The following GGA2 variants were observed in gnomAD, a reference collection of about 807,000 sequenced individuals.
GGA2 encodes golgi associated, gamma adaptin ear containing, ARF binding protein 2.
A neutral mutation model predicts 79.5 loss-of-function variants in GGA2; 48 were observed. That is an observed-to-expected ratio of 0.60 (90% CI 0.48 to 0.77). The LOEUF (loss-of-function observed/expected upper bound fraction) is 0.77, where lower values mean the gene tolerates loss of function less well. Ranked by LOEUF, GGA2 falls within the 30% of genes least tolerant of loss-of-function variation. The pLI is 0.00. For missense variants in GGA2, 770 were observed against 774.0 expected (o/e 0.99, Z 0.06); for synonymous variants, 317 against 302.0 (o/e 1.05, Z -0.51).
chr16:23,478,949 C>T (rs1479508907), intron 11 of GGA2, 38 bp from the exon 12 acceptor site: 1 of 1,424,046 alleles, frequency 7.0e-7, no homozygotes, highest in Non-Finnish European at 9.9e-7. Context: ...CTAACAGTAA[C>T]TCCACCTGCT....
upstream of GGA2, among the ~76,000 whole-genome samples, chr16:23,510,766 G>A (rs1965038827): frequency 6.6e-6 from 1 of 152,226 alleles, no homozygotes; most frequent in South Asian, 2.1e-4. Flanking sequence ...GAGTCCAATG[G>A]CGCGATCACG....
intron 15 of GGA2, 99 bp from the exon 16 acceptor site, chr16:23,469,095 A>C (rs1964477484): frequency 4.1e-6 from 3 of 734,288 alleles, no homozygotes; most frequent in Admixed American, 2.0e-5. Context: ...ACACCCCTCC[A>C]AGAGGAAATG....
At chr16:23,468,179 GTCTA>G (rs1026372466) in intron 16 of GGA2, among the ~76,000 whole-genome samples, 8 of 151,584 alleles carry the variant, frequency 5.3e-5, no homozygotes, top group East Asian at 1.9e-4. Context: ...CTGTCTGTCT[GTCTA>G]TCTATCTATC....
chr16:23,469,041 G>A, intron 15 of GGA2, 45 bp from the exon 16 acceptor site: 1 of 1,177,300 alleles, frequency 8.5e-7, no homozygotes, highest in South Asian at 1.2e-5. Context: ...CCTAACCACA[G>A]CTTCTAGGAT....
intron 4 of GGA2, among the ~76,000 whole-genome samples, chr16:23,492,413 G>A (rs1290136068): frequency 6.6e-6 from 1 of 152,124 alleles, no homozygotes; most frequent in Non-Finnish European, 1.5e-5. Flanking sequence ...TGATTTGACC[G>A]ATCATGCCTA....
chr16:23,486,196 C>T (rs1964710739), intron 7 of GGA2, 44 bp from the exon 8 acceptor site: 1 of 1,590,372 alleles, frequency 6.3e-7, no homozygotes, highest in African/African-American at 1.3e-5. Flanking sequence ...AGCAGAAACC[C>T]TGGCTGAAGC....
intron 1 of GGA2, among the ~76,000 whole-genome samples, chr16:23,504,395 C>T (rs1433850518): frequency 6.6e-6 from 1 of 152,224 alleles, no homozygotes; most frequent in African/African-American, 2.4e-5. Flanking sequence ...TTCACTCTCA[C>T]AGGCTCTAGT....
intron 6 of GGA2, among the ~76,000 whole-genome samples, chr16:23,487,856 G>A (rs528621717): frequency 6.6e-6 from 1 of 152,220 alleles, no homozygotes; most frequent in South Asian, 2.1e-4. Flanking sequence ...GACAGGCAGA[G>A]CATACCACGC....
Position 23,470,169 on chromosome 16 carries a change from G to T in GGA2, c.1451-4C>A. The T allele has an allele frequency of 6.3e-7, 1 of 1,588,332 alleles. No individual in the cohort carries two copies. The highest frequency in any genetic ancestry group is 8.6e-7 in the Non-Finnish European group (1 of 1,167,944). ...ACAATGAGAGGCGGCAGGCTGCCTGGTATAAAGGGCACAAGCAGAAGGTTT... is the reference window on the plus strand; with the variant it reads ...ACAATGAGAGGCGGCAGGCTGCCTGTTATAAAGGGCACAAGCAGAAGGTTT... On this transcript the variant is annotated splice_polypyrimidine_tract_variant and splice_region_variant and intron_variant, in intron 14 of 16. Coordinates refer to ENST00000309859, the MANE Select transcript of GGA2 (RefSeq NM_015044.4).
Position 23,488,716 on chromosome 16 carries a change from A to C in GGA2, c.476-7T>G. On this transcript the variant is annotated splice_polypyrimidine_tract_variant and splice_region_variant and intron_variant, in intron 5 of 16. Transcript: ENST00000309859. ...GGGTCTTGTTTTATAATTCCTAAAA[A>C]TGCAATTTACAAAGTTAAGACACCG... is the stretch of plus-strand genomic sequence containing the variant. 1 of 1,497,038 alleles carries C rather than the reference A, an allele frequency of 6.7e-7. No individual in the cohort carries two copies. The highest frequency in any genetic ancestry group is 1.1e-5 in the South Asian group (1 of 88,610). 92.7% of individuals were successfully genotyped at this position (1,497,038 alleles called of 1,614,324 possible).
chr16:23,488,758 CTT>C, intron 5 of GGA2, 49 bp from the exon 6 acceptor site: 1 of 1,031,386 alleles, frequency 9.7e-7, no homozygotes, highest in South Asian at 1.3e-5. Flanking sequence ...TACCCAGAAA[CTT>C]CAGTCAGAAT....
At chr16:23,522,687 T>C (rs576145211), upstream of GGA2, 1 of 152,308 alleles carries the variant, frequency 6.6e-6, no homozygotes, top group South Asian at 2.1e-4. Flanking sequence ...AAATATATTG[T>C]CTACTGCTGA....
Position 23,467,456 on chromosome 16 carries a change from G to A in GGA2, c.*134C>T. The A allele has an allele frequency of 1.7e-6, 1 of 577,992 alleles. No homozygotes were observed. Among genetic ancestry groups the A allele is most frequent in the South Asian group, 1.8e-5 (1 of 55,200 alleles). 35.8% of individuals were successfully genotyped at this position (577,992 alleles called of 1,614,324 possible). On this transcript the variant is annotated 3_prime_UTR_variant, in exon 17 of 17. Transcript: ENST00000309859. ...CACAGAGCATCTGCAGAATAAGTCA[G>A]AGGTTGACACCCAGAGCCTGACGTC...
At chr16:23,478,303 G>A in intron 13 of GGA2, 65 bp downstream of exon 13, 2 of 1,339,620 alleles carry the variant, frequency 1.5e-6, no homozygotes, top group Non-Finnish European at 1.0e-6. Flanking sequence ...TCTGGCCCTT[G>A]TCCCATGAGA....
At chr16:23,500,078 A>G (rs1433661042) in intron 1 of GGA2, among the ~76,000 whole-genome samples, 2 of 152,204 alleles carry the variant, frequency 1.3e-5, no homozygotes, top group Non-Finnish European at 2.9e-5. Flanking sequence ...CCGCAATCAC[A>G]GCTCTCAGGC....
Position 23,488,654 on chromosome 16 carries a change from A to G in GGA2, c.531T>C (p.Ser177=). Residue 177 remains serine (S), a synonymous_variant, in exon 6 of 17, where the codon TCT becomes TCC. Transcript: ENST00000309859. ...CAAAGATGGAGCTCTTGGGCCAGGG[A>G]GATGGTGGGGGTAAGATTTTATCCA... ...LPVDKILPPP[S]PWPKSSIFDA... is the part of the protein sequence containing the mutation. 1.2e-6 allele frequency: 2 copies of G among 1,611,552 alleles called. No individual in the cohort carries two copies. The highest frequency in any genetic ancestry group is 2.2e-5 in the South Asian group (2 of 91,018).
At position 23,493,342 on chromosome 16, in the gene GGA2, C is replaced by G; in HGVS notation, c.351+18G>C. On this transcript the variant is annotated intron_variant, in intron 4 of 16. Coordinates refer to ENST00000309859, the MANE Select transcript of GGA2 (RefSeq NM_015044.4). ...CGTAGGTGCGACACAGTCAGCAGAG[C>G]CAAGCCCAGGTACTCACCTTTGGGG... is the stretch of plus-strand genomic sequence containing the variant. 6.8e-7 allele frequency: 1 copy of G among 1,463,416 alleles called. No homozygotes were observed. Among genetic ancestry groups the G allele is most frequent in the East Asian group, 2.3e-5 (1 of 44,198 alleles). The allele number at this position is 1,463,416 out of a possible 1,614,324, so 90.7% of individuals were successfully genotyped here.
intron 4 of GGA2, among the ~76,000 whole-genome samples, chr16:23,492,862 CGGGTA>C (rs1964806691): frequency 6.6e-6 from 1 of 152,080 alleles, no homozygotes; most frequent in Admixed American, 6.5e-5. Context: ...GCGTGGGGTC[CGGGTA>C]GCATGCAACT....
intron 9 of GGA2, among the ~76,000 whole-genome samples, chr16:23,482,489 A>G (rs1964660401): frequency 6.6e-6 from 1 of 152,160 alleles, no homozygotes; most frequent in African/African-American, 2.4e-5. Flanking sequence ...AACTGTGGAC[A>G]ATTCTCCACT....
Sources: gnomAD v4.1 joint callset for allele counts (sites outside exome capture counted in the v4.1 genomes callset) on GRCh38, gnomAD v4.1.1 for gene constraint, MANE v1.5 for transcripts, NCBI Gene and HGNC (gene_info 2026-07-23, HGNC 2026-07-21) for gene names.